ABTB3: variants seen among roughly 807,000 people sequenced by gnomAD.
The protein encoded by ABTB3 is ankyrin repeat and BTB domain containing 3.
chr12:107,374,038 C>T, the ABTB3 span, among the ~76,000 whole-genome samples: 1 of 152,148 alleles, frequency 6.6e-6, no homozygotes, highest in Admixed American at 6.5e-5. Context: ...AGTGAGCCCA[C>T]TGAGTCTCCA....
the ABTB3 span, among the ~76,000 whole-genome samples, chr12:107,652,452 A>G: frequency 2.0e-5 from 3 of 152,356 alleles, no homozygotes; most frequent in South Asian, 6.2e-4. Flanking sequence ...GAACCTGGAA[A>G]AAGGCATCTT....
chr12:107,552,181 T>C, the ABTB3 span, among the ~76,000 whole-genome samples: 1 of 152,252 alleles, frequency 6.6e-6, no homozygotes, highest in Admixed American at 6.5e-5. Context: ...GGAGAAGGAA[T>C]ACTTGAACCT....
chr12:107,473,165 G>A, the ABTB3 span, among the ~76,000 whole-genome samples: 3 of 152,102 alleles, frequency 2.0e-5, no homozygotes, highest in Non-Finnish European at 2.9e-5. Flanking sequence ...TTAATTGAGT[G>A]TAATATACAT....
the ABTB3 span, chr12:107,651,858 C>T: frequency 7.6e-7 from 1 of 1,318,648 alleles, no homozygotes; most frequent in Non-Finnish European, 1.1e-6. Flanking sequence ...CCTTGGCAAA[C>T]ACAGAGGCAG....
At chr12:107,337,720 G>A in the ABTB3 span, among the ~76,000 whole-genome samples, 3 of 152,206 alleles carry the variant, frequency 2.0e-5, no homozygotes, top group Non-Finnish European at 4.4e-5. Context: ...AGGGCACAGT[G>A]TGACACGTTG....
At chr12:107,491,604 C>A in the ABTB3 span, among the ~76,000 whole-genome samples, 2 of 152,140 alleles carry the variant, frequency 1.3e-5, no homozygotes, top group Non-Finnish European at 2.9e-5. Flanking sequence ...AGGCAGATCA[C>A]TGGAGGCCAG....
the ABTB3 span, among the ~76,000 whole-genome samples, chr12:107,423,041 C>T: frequency 6.6e-6 from 1 of 152,188 alleles, no homozygotes; most frequent in East Asian, 1.9e-4. Context: ...ATCACTCTGT[C>T]CAAGAAAATA....
the ABTB3 span, among the ~76,000 whole-genome samples, chr12:107,558,618 C>A: frequency 6.6e-6 from 1 of 152,092 alleles, no homozygotes; most frequent in Non-Finnish European, 1.5e-5. Context: ...TCAGCTGCAT[C>A]CCCACCTCTC....
chr12:107,647,624 G>A, the ABTB3 span, among the ~76,000 whole-genome samples: 1 of 152,250 alleles, frequency 6.6e-6, no homozygotes, highest in Non-Finnish European at 1.5e-5. Flanking sequence ...TGGCCTGGGT[G>A]AGAACAAGGC....
the ABTB3 span, among the ~76,000 whole-genome samples, chr12:107,420,859 C>T: frequency 1.3e-5 from 2 of 152,164 alleles, no homozygotes; most frequent in Non-Finnish European, 2.9e-5. Flanking sequence ...TACCCCATCC[C>T]ACTGCTTCCT....
the ABTB3 span, among the ~76,000 whole-genome samples, chr12:107,384,830 G>C: frequency 6.6e-6 from 1 of 152,172 alleles, no homozygotes; most frequent in African/African-American, 2.4e-5. Context: ...GGCTTGCAAG[G>C]AAGCCCTACA....
chr12:107,604,594 G>A, the ABTB3 span, among the ~76,000 whole-genome samples: 4 of 152,198 alleles, frequency 2.6e-5, no homozygotes, highest in Non-Finnish European at 5.9e-5. Context: ...TAGAATGGCT[G>A]TTATCAAAAA....
chr12:107,495,763 C>A, the ABTB3 span, among the ~76,000 whole-genome samples: 3 of 152,222 alleles, frequency 2.0e-5, no homozygotes, highest in African/African-American at 7.2e-5. Context: ...AGCACCCAAG[C>A]CCTGGGTCTC....
the ABTB3 span, among the ~76,000 whole-genome samples, chr12:107,637,989 G>A: frequency 6.6e-6 from 1 of 152,100 alleles, no homozygotes; most frequent in Non-Finnish European, 1.5e-5. Flanking sequence ...TTACCGAGCA[G>A]AGAGAAAGTC....
the ABTB3 span, among the ~76,000 whole-genome samples, chr12:107,630,634 G>A: frequency 6.6e-6 from 1 of 151,952 alleles, no homozygotes; most frequent in African/African-American, 2.4e-5. Flanking sequence ...TAAAGACAGG[G>A]TCTCATGATG....
At chr12:107,524,687 C>G in the ABTB3 span, among the ~76,000 whole-genome samples, 1 of 152,166 alleles carries the variant, frequency 6.6e-6, no homozygotes, top group East Asian at 1.9e-4. Context: ...TCAACCACAC[C>G]TGTGAATTGA....
the ABTB3 span, among the ~76,000 whole-genome samples, chr12:107,569,938 G>A: frequency 6.6e-6 from 1 of 152,236 alleles, no homozygotes; most frequent in Non-Finnish European, 1.5e-5. Flanking sequence ...CAGCCATCAT[G>A]TCCACAGTCT....
chr12:107,325,060 G>A, the ABTB3 span, among the ~76,000 whole-genome samples: 7 of 152,328 alleles, frequency 4.6e-5, no homozygotes, highest in East Asian at 1.3e-3. Flanking sequence ...CACATAGTAG[G>A]CACTCGATAA....
chr12:107,530,358 C>A, the ABTB3 span, among the ~76,000 whole-genome samples: 2 of 152,178 alleles, frequency 1.3e-5, no homozygotes, highest in African/African-American at 4.8e-5. Flanking sequence ...GCGTCTTCCA[C>A]CCTCAACCTA....
Sources: allele counts gnomAD v4.1 joint callset (sites outside exome capture counted in the v4.1 genomes callset), GRCh38; gene constraint gnomAD v4.1.1; transcripts MANE v1.5; gene names NCBI Gene and HGNC (gene_info 2026-07-23, HGNC 2026-07-21).